ANKH: variants seen among roughly 807,000 people sequenced by gnomAD.
ANKH encodes the protein ANKH inorganic pyrophosphate transport regulator.
ANKH carries 15 observed loss-of-function variants against 49.0 expected under a neutral mutation model. The ratio of observed to expected loss-of-function variants is 0.31; its 90% CI spans 0.20 to 0.47. The LOEUF is 0.47. Ranked by LOEUF, ANKH falls within the 20% of genes least tolerant of loss-of-function variation. The pLI, the probability that ANKH is intolerant of heterozygous loss-of-function variation, is 1.00. For missense variants in ANKH, 429 were observed against 652.0 expected (o/e 0.66, Z 3.72); for synonymous variants, 273 against 260.0 (o/e 1.05, Z -0.48).
At chr5:14,844,061 G>C (rs1237312382) in intron 1 of ANKH, among the ~76,000 whole-genome samples, 1 of 152,156 alleles carries the variant, frequency 6.6e-6, no homozygotes, top group Non-Finnish European at 1.5e-5. Context: ...ATTCACCGTA[G>C]AGCAAATAAG....
intron 1 of ANKH, among the ~76,000 whole-genome samples, chr5:14,818,644 C>CAAAA (rs34629052): frequency 1.1e-4 from 7 of 64,898 alleles, no homozygotes; most frequent in East Asian, 4.9e-4. Context: ...AACTCCATCT[C>CAAAA]AAAAAAAAAA....
At chr5:14,858,699 G>C (rs781360594) in intron 1 of ANKH, among the ~76,000 whole-genome samples, 25 of 149,404 alleles carry the variant, frequency 1.7e-4, no homozygotes, top group Non-Finnish European at 3.3e-4. Flanking sequence ...CTGGGCAACA[G>C]AGTGAGAATC....
intron 8 of ANKH, among the ~76,000 whole-genome samples, chr5:14,723,117 T>C (rs1737719993): frequency 6.6e-6 from 1 of 151,896 alleles, no homozygotes; most frequent in Non-Finnish European, 1.5e-5. Context: ...TACGGAAGCA[T>C]GATGACTAGA....
chr5:14,798,163 C>T (rs1740450780), intron 1 of ANKH: 2 of 1,562,654 alleles, frequency 1.3e-6, no homozygotes, highest in South Asian at 1.1e-5. Context: ...CTGGCTATAA[C>T]AAGATGGTTT....
intron 9 of ANKH, 140 bp downstream of exon 9, chr5:14,716,566 G>T: frequency 9.6e-7 from 1 of 1,043,456 alleles, no homozygotes; most frequent in Non-Finnish European, 1.4e-6. Flanking sequence ...TTAACCTACT[G>T]GCTAATGTTT....
intron 1 of ANKH, among the ~76,000 whole-genome samples, chr5:14,841,802 C>T (rs1198267724): frequency 1.3e-5 from 2 of 152,124 alleles, no homozygotes; most frequent in Non-Finnish European, 2.9e-5. Context: ...TTTGACTACT[C>T]TAAGTACCAC....
chr5:14,806,593 TC>T (rs1056738376), intron 1 of ANKH, among the ~76,000 whole-genome samples: 2 of 152,164 alleles, frequency 1.3e-5, no homozygotes, highest in Admixed American at 1.3e-4. Context: ...CTCCTCCTGC[TC>T]AAAGGGCAGG....
At chr5:14,764,166 C>A (rs1174658922) in intron 2 of ANKH, among the ~76,000 whole-genome samples, 1 of 152,090 alleles carries the variant, frequency 6.6e-6, no homozygotes, top group Non-Finnish European at 1.5e-5. Context: ...ACTTATATCC[C>A]CACTCTTTGT....
chr5:14,797,305 A>G, intron 1 of ANKH: 1 of 1,557,892 alleles, frequency 6.4e-7, no homozygotes, highest in Non-Finnish European at 8.9e-7. Context: ...ATAAACAACA[A>G]CTCTGGTGGC....
At chr5:14,729,577 G>A (rs770973970) in intron 8 of ANKH, among the ~76,000 whole-genome samples, 7 of 152,142 alleles carry the variant, frequency 4.6e-5, no homozygotes, top group Non-Finnish European at 7.4e-5. Context: ...TCTAGGAGGC[G>A]TTTCCTTTCC....
chr5:14,745,206 A>T lies in ANKH; in HGVS notation c.915+664T>A, dbSNP rs921824088. On this transcript the variant is annotated intron_variant, in intron 7 of 11. Coordinates refer to ENST00000284268, the MANE Select transcript of ANKH (RefSeq NM_054027.6). This position sits in a 1 kb window ranked among gnomAD's most constrained non-coding sequence, Gnocchi z 4.7. Reference sequence around the variant, plus strand: ...GACTATTTTTGGAGTATGTTTCACCAGCCATTTGTTTTAGAGTATTAAAAA... The same window carrying T: ...GACTATTTTTGGAGTATGTTTCACCTGCCATTTGTTTTAGAGTATTAAAAA... Among the ~76,000 whole-genome samples, 1 of 148,212 alleles carries T rather than the reference A, an allele frequency of 6.7e-6. No homozygotes were observed. Among genetic ancestry groups the T allele is most frequent in the Admixed American group, 6.7e-5 (1 of 14,922 alleles).
intron 8 of ANKH, among the ~76,000 whole-genome samples, chr5:14,732,254 C>A (rs900989437): frequency 6.6e-6 from 1 of 152,098 alleles, no homozygotes; most frequent in African/African-American, 2.4e-5. Context: ...TCTGGTAGCA[C>A]CATCTGTGCC....
intron 1 of ANKH, among the ~76,000 whole-genome samples, chr5:14,800,263 T>C (rs895305651): frequency 1.3e-5 from 2 of 152,244 alleles, no homozygotes; most frequent in African/African-American, 4.8e-5. Flanking sequence ...AATCTATACC[T>C]GGTGAAGATG....
intron 1 of ANKH, among the ~76,000 whole-genome samples, chr5:14,804,782 A>G (rs936721316): frequency 6.6e-6 from 1 of 152,216 alleles, no homozygotes; most frequent in African/African-American, 2.4e-5. Flanking sequence ...CATTTCAAAC[A>G]GGGTGAGACT....
intron 8 of ANKH, chr5:14,717,066 A>C: frequency 2.0e-6 from 1 of 511,236 alleles, no homozygotes; most frequent in South Asian, 1.9e-5. Context: ...ACGGCAGAGC[A>C]GATGTGGCTC....
At chr5:14,724,741 C>A (rs990618515) in intron 8 of ANKH, among the ~76,000 whole-genome samples, 1 of 152,202 alleles carries the variant, frequency 6.6e-6, no homozygotes, top group African/African-American at 2.4e-5. Flanking sequence ...CAGTTGTCTT[C>A]ATCAGCACGT....
chr5:14,718,734 C>G (rs374903938), intron 8 of ANKH, among the ~76,000 whole-genome samples: 5 of 150,760 alleles, frequency 3.3e-5, no homozygotes, highest in African/African-American at 1.2e-4. Flanking sequence ...CGCTTGAACC[C>G]GGGAGACGGA....
At chr5:14,858,759 A>AAAT (rs202137385) in intron 1 of ANKH, among the ~76,000 whole-genome samples, 734 of 60,888 alleles carry the variant, frequency 0.012, 3 homozygotes, top group East Asian at 0.047. Flanking sequence ...ATAAATAAAT[A>AAAT]AAATAAAATA....
chr5:14,846,039 T>C (rs62353769), intron 1 of ANKH, among the ~76,000 whole-genome samples: 13,721 of 151,682 alleles, frequency 0.09, 812 homozygotes, highest in Admixed American at 0.12. Flanking sequence ...GTATTTTTAG[T>C]AGAGACAGGG....
Sources: allele counts gnomAD v4.1 joint callset (sites outside exome capture counted in the v4.1 genomes callset), GRCh38; gene constraint gnomAD v4.1.1; non-coding constraint Gnocchi (gnomAD v3.1); transcripts MANE v1.5; gene names NCBI Gene and HGNC (gene_info 2026-07-23, HGNC 2026-07-21).